Variants in ABI1 observed in about 807,000 individuals in gnomAD.
ABI1 encodes the protein abl interactor 1, also known as Abelson interactor 1.
Under a neutral mutation model 54.6 loss-of-function variants are expected in ABI1, and 14 were observed. The observed-to-expected ratio is 0.26, with a 90% CI of 0.17 to 0.40. The LOEUF (loss-of-function observed/expected upper bound fraction) is 0.40, where lower values mean the gene tolerates loss of function less well. Among genes scored for constraint, ABI1 ranks in the 10% least tolerant of loss-of-function variants. The pLI, the probability that ABI1 is intolerant of heterozygous loss-of-function variation, is 1.00. For missense variants in ABI1, 443 were observed against 598.3 expected (o/e 0.74, Z 2.71); for synonymous variants, 194 against 209.3 (o/e 0.93, Z 0.63).
In ABI1 at chr10:26,823,159, A is replaced by G; in HGVS notation, c.264T>C (p.Ser88=). 1 of 1,598,302 alleles carries G rather than the reference A, an allele frequency of 6.3e-7. No homozygotes were observed. The highest frequency in any genetic ancestry group is 1.4e-5 in the African/African-American group (1 of 73,952). ...IQASQLRRME[S]SINHISQTVD... ...TTACCTGTGAGATATGATTGATGGA[A>G]GACTCCATTCTCCGAAGCTGAGAGG... is the stretch of plus-strand genomic sequence containing the variant. The change falls in exon 2 of 11, where the codon TCT becomes TCC. Residue 88 remains serine (S), a synonymous_variant. Coordinates refer to ENST00000376140, the MANE Select transcript of ABI1 (RefSeq NM_001012750.3).
At chr10:26,820,900 G>A (rs2047933380) in intron 2 of ABI1, among the ~76,000 whole-genome samples, 1 of 151,944 alleles carries the variant, frequency 6.6e-6, no homozygotes, top group Non-Finnish European at 1.5e-5. Flanking sequence ...TGTTAGAAAA[G>A]ATTAAGGGTC....
intron 1 of ABI1, among the ~76,000 whole-genome samples, chr10:26,845,417 C>T (rs1037925805): frequency 1.3e-5 from 2 of 151,942 alleles, no homozygotes; most frequent in Non-Finnish European, 2.9e-5. Context: ...CTGAGGCGGG[C>T]GGATCACCTG....
chr10:26,827,064 C>T (rs1190741565), intron 1 of ABI1, among the ~76,000 whole-genome samples: 1 of 151,906 alleles, frequency 6.6e-6, no homozygotes, highest in East Asian at 1.9e-4. Flanking sequence ...CAGGCACGAG[C>T]CACCATGCCT....
At chr10:26,752,883 A>G (rs907309171) in intron 9 of ABI1, among the ~76,000 whole-genome samples, 2 of 152,206 alleles carry the variant, frequency 1.3e-5, no homozygotes, top group African/African-American at 2.4e-5. Context: ...TTCAAAAGAC[A>G]TATGAAAATG....
chr10:26,800,930 C>G (rs2046511201), intron 2 of ABI1, among the ~76,000 whole-genome samples: 1 of 152,226 alleles, frequency 6.6e-6, no homozygotes, highest in African/African-American at 2.4e-5. Context: ...CACTTGAACC[C>G]AGGAGGCAGA....
intron 1 of ABI1, among the ~76,000 whole-genome samples, chr10:26,857,433 G>C (rs1295057359): frequency 1.3e-5 from 2 of 151,174 alleles, no homozygotes; most frequent in Admixed American, 6.6e-5. Context: ...TTGAGACCAG[G>C]AGTTTGAGAC....
At position 26,851,422 on chromosome 10, in the gene ABI1, C is replaced by T. The variant is rs572538282; in HGVS notation, c.117+9325G>A. Among the ~76,000 whole-genome samples, 25 of 132,380 alleles carry T rather than the reference C, an allele frequency of 1.9e-4. 1 individual carries two copies. In the South Asian group the frequency reaches 6.3e-3, roughly 33 times the overall value. 86.8% of individuals were successfully genotyped at this position (132,380 alleles called of 152,430 possible). A position where few individuals can be genotyped will look rare whatever the true frequency, so the allele number is the denominator to read the frequency against. On this transcript the variant is annotated intron_variant, in intron 1 of 10. Coordinates refer to ENST00000376140, the MANE Select transcript of ABI1 (RefSeq NM_001012750.3). ...CCCAAGCTGATCTCAAACTCCTGGG[C>T]TCAAGCAATCCTCCCACCTCAACCT...
At chr10:26,856,873 A>G (rs2050859995) in intron 1 of ABI1, among the ~76,000 whole-genome samples, 1 of 152,160 alleles carries the variant, frequency 6.6e-6, no homozygotes, top group African/African-American at 2.4e-5. Context: ...CCCATAACAA[A>G]GGCAGTATGA....
At chr10:26,752,150 G>A (rs1405489058) in intron 9 of ABI1, among the ~76,000 whole-genome samples, 1 of 152,132 alleles carries the variant, frequency 6.6e-6, no homozygotes, top group Non-Finnish European at 1.5e-5. Context: ...CTGCAGTAAT[G>A]ATATGAGTAA....
At chr10:26,781,069 C>T (rs920240707) in intron 2 of ABI1, among the ~76,000 whole-genome samples, 4 of 152,200 alleles carry the variant, frequency 2.6e-5, no homozygotes, top group African/African-American at 7.2e-5. Context: ...CCCCACAATC[C>T]TTATGACCTG....
intron 1 of ABI1, among the ~76,000 whole-genome samples, chr10:26,843,730 T>C (rs1027557495): frequency 3.7e-5 from 5 of 133,796 alleles, no homozygotes; most frequent in African/African-American, 1.5e-4. Flanking sequence ...TGGGGCAAGG[T>C]AGGAGAGGTA....
chr10:26,822,577 T>C (rs2048050024), intron 2 of ABI1, among the ~76,000 whole-genome samples: 1 of 151,656 alleles, frequency 6.6e-6, no homozygotes, highest in South Asian at 2.1e-4. Flanking sequence ...AAAATAATTA[T>C]CCATAGTAAA....
At chr10:26,750,526 T>G (rs961893549) in intron 10 of ABI1, among the ~76,000 whole-genome samples, 1 of 152,058 alleles carries the variant, frequency 6.6e-6, no homozygotes, top group Non-Finnish European at 1.5e-5. Flanking sequence ...GAAAACAAAT[T>G]TACTTTTGCC....
rs1410282917 is a variant in ABI1 at position 26,843,465 on chromosome 10, AAAAAAAAAAAAAAAAAAAAAAT to A, written c.117+17260_117+17281del. 3.4e-4 allele frequency among the ~76,000 whole-genome samples: 27 copies of A among 78,716 alleles called. No homozygotes were observed. The Middle Eastern group carries it at 0.018, about 53-fold the overall frequency. 51.6% of individuals were successfully genotyped at this position (78,716 alleles called of 152,430 possible). A position where few individuals can be genotyped will look rare whatever the true frequency, so the allele number is the denominator to read the frequency against. ...CAAGACTCCGTCTCAAAAAAAAAAA[AAAAAAAAAAAAAAAAAAAAAAT>A]ATATATATATATATATATATATATA... On this transcript the variant is annotated intron_variant, in intron 1 of 10. Coordinates refer to ENST00000376140, the MANE Select transcript of ABI1 (RefSeq NM_001012750.3).
At chr10:26,843,453 CAAAAAAAAAAAAAAAAA>C (rs147957853) in intron 1 of ABI1, among the ~76,000 whole-genome samples, 1 of 53,084 alleles carries the variant, frequency 1.9e-5, no homozygotes, top group African/African-American at 5.6e-5. Flanking sequence ...GACTCCGTCT[CAAAAAAAAAAAAAAAAA>C]AAAAAAAAAA....
chr10:26,760,607 G>A (rs537698634), intron 7 of ABI1, among the ~76,000 whole-genome samples: 20 of 152,254 alleles, frequency 1.3e-4, no homozygotes, highest in African/African-American at 3.4e-4. Flanking sequence ...AAGCCTTTAA[G>A]GGCCAGGTGC....
chr10:26,822,611 T>C (rs1324301304), intron 2 of ABI1, among the ~76,000 whole-genome samples: 2 of 148,586 alleles, frequency 1.3e-5, no homozygotes, highest in South Asian at 2.1e-4. Flanking sequence ...AAAAAAAAAT[T>C]AGTAAATACT....
At chr10:26,758,583 A>G (rs1254701136) in intron 8 of ABI1, among the ~76,000 whole-genome samples, 1 of 152,230 alleles carries the variant, frequency 6.6e-6, no homozygotes, top group Non-Finnish European at 1.5e-5. Flanking sequence ...CATCACAAAC[A>G]GTTTTAATCG....
At position 26,860,947 on chromosome 10, in the gene ABI1, C is replaced by G; in HGVS notation, c.-84G>C. 1 of 1,250,282 alleles carries G rather than the reference C, an allele frequency of 8.0e-7. No individual in the cohort carries two copies. Among genetic ancestry groups the G allele is most frequent in the Non-Finnish European group, 1.2e-6 (1 of 858,560 alleles). The allele number at this position is 1,250,282 out of a possible 1,614,324, so 77.4% of individuals were successfully genotyped here. ...CCGAGGCTCCGAGCACCTCACAGCC[C>G]GGATACAAACCGCCTACCCGCCCTC... On this transcript the variant is annotated 5_prime_UTR_variant, in exon 1 of 11. Coordinates refer to ENST00000376140, the MANE Select transcript of ABI1 (RefSeq NM_001012750.3). The surrounding 1 kb of genome is among the most constrained non-coding windows in gnomAD (Gnocchi z 4.1).
Sources: allele counts gnomAD v4.1 joint callset (sites outside exome capture counted in the v4.1 genomes callset), GRCh38; gene constraint gnomAD v4.1.1; non-coding constraint Gnocchi (gnomAD v3.1); transcripts MANE v1.5; gene names NCBI Gene and HGNC (gene_info 2026-07-23, HGNC 2026-07-21).